CCNE1: variants seen among roughly 807,000 people sequenced by gnomAD.
CCNE1 encodes cyclin E1.
Under a neutral mutation model 54.1 loss-of-function variants are expected in CCNE1, and 8 were observed. The observed-to-expected ratio is 0.15, with a 90% CI of 0.09 to 0.27. The LOEUF (loss-of-function observed/expected upper bound fraction) is 0.27, where lower values mean the gene tolerates loss of function less well. Among genes scored for constraint, CCNE1 ranks in the 10% least tolerant of loss-of-function variants. The pLI is 1.00. For synonymous variants in CCNE1, 179 were observed against 185.2 expected (o/e 0.97, Z 0.27); for missense variants, 430 against 514.9 (o/e 0.84, Z 1.60).
chr19:29,817,607 G>A, intron 6 of CCNE1, 66 bp downstream of exon 6: 1 of 1,559,742 alleles, frequency 6.4e-7, no homozygotes, highest in Non-Finnish European at 8.8e-7. Flanking sequence ...TTGTGTATTA[G>A]GACCTCTGTG....
intron 6 of CCNE1, 91 bp from the exon 7 acceptor site, chr19:29,820,611 T>C (rs1360376074): frequency 8.7e-6 from 8 of 923,826 alleles, no homozygotes; most frequent in Non-Finnish European, 1.3e-5. Flanking sequence ...CATTTTATAT[T>C]TTCCTTCACC....
chr19:29,822,050 A>G lies in CCNE1; in HGVS notation c.760A>G (p.Met254Val). The change falls in exon 9 of 12, where the codon ATG (methionine) becomes GTG (valine). Residue 254 changes from methionine to valine, a missense_variant. Coordinates refer to ENST00000262643, the MANE Select transcript of CCNE1 (RefSeq NM_001238.4). ...LTIVSWLNVY[M>V]QVAYLNDLHE... ...TATTGTGTCCTGGCTGAATGTATAC[A>G]TGCAGGTTGCATATCTAAATGACTT... is the stretch of plus-strand genomic sequence containing the variant. The G allele has an allele frequency of 6.2e-7, 1 of 1,613,942 alleles. No individual in the cohort carries two copies. The highest frequency in any genetic ancestry group is 8.5e-7 in the Non-Finnish European group (1 of 1,179,790).
intron 6 of CCNE1, among the ~76,000 whole-genome samples, chr19:29,819,184 C>T (rs1034359484): frequency 6.6e-6 from 1 of 151,956 alleles, no homozygotes; most frequent in Admixed American, 6.6e-5. Flanking sequence ...TTGGAGCTTG[C>T]AGTGAGCTGT....
chr19:29,812,821 C>G lies in CCNE1; in HGVS notation c.111+45C>G, dbSNP rs372773313. On this transcript the variant is annotated intron_variant, in intron 3 of 11. Coordinates refer to ENST00000262643, the MANE Select transcript of CCNE1 (RefSeq NM_001238.4). ...GTTGGGGAGCATCCCCCCCATCTCA[C>G]CTGGGTACCCGACTTGGCTCTGCCT... 1.9e-6 allele frequency: 3 copies of G among 1,585,530 alleles called. No homozygotes were observed. The African/African-American group carries it at 4.0e-5, about 21-fold the overall frequency.
chr19:29,818,983 G>A (rs931671241), intron 6 of CCNE1, among the ~76,000 whole-genome samples: 1 of 151,890 alleles, frequency 6.6e-6, no homozygotes, highest in East Asian at 1.9e-4. Context: ...GGCTGGTCTT[G>A]AAGTCCCGAC....
At chr19:29,821,901 T>A in intron 8 of CCNE1, 84 bp downstream of exon 8, 3 of 1,502,714 alleles carry the variant, frequency 2.0e-6, no homozygotes, top group Non-Finnish European at 1.8e-6. Flanking sequence ...CTCTGGGAGG[T>A]GTTCTCCAGC....
rs1303375022 is a variant in CCNE1 at position 29,822,029 on chromosome 19, G to T, written c.739G>T (p.Val247Leu). The change falls in exon 9 of 12, where the codon GTG (valine) becomes TTG (leucine). Residue 247 changes from valine to leucine, a missense_variant. Physicochemically the swap from Val to Leu is conservative, Grantham distance 32. Coordinates refer to ENST00000262643, the MANE Select transcript of CCNE1 (RefSeq NM_001238.4). Reference protein sequence around the residue: ...LKWRLSPLTIVSWLNVYMQVA... With the variant: ...LKWRLSPLTILSWLNVYMQVA... ...GTGGCGTTTAAGTCCCCTGACTATTGTGTCCTGGCTGAATGTATACATGCA... is the reference window on the plus strand; with the variant it reads ...GTGGCGTTTAAGTCCCCTGACTATTTTGTCCTGGCTGAATGTATACATGCA... The T allele has an allele frequency of 6.2e-7, 1 of 1,613,606 alleles. No individual in the cohort carries two copies.
intron 6 of CCNE1, among the ~76,000 whole-genome samples, chr19:29,819,832 G>C (rs146031163): frequency 3.9e-5 from 6 of 152,316 alleles, no homozygotes; most frequent in South Asian, 2.1e-4. Flanking sequence ...AGGCAGACCT[G>C]CTTCATGAAA....
chr19:29,822,288 G>A lies in CCNE1; in HGVS notation c.889G>A (p.Gly297Ser). Residue 297 changes from glycine to serine, a missense_variant, in exon 10 of 12, where the codon GGT (glycine) becomes AGT (serine). Transcript: ENST00000262643. ...LDVDCLEFPY[G>S]ILAASALYHF... is the part of the protein sequence containing the mutation. Reference sequence around the variant, plus strand: ...TGTTGACTGCCTTGAATTTCCTTATGGTATACTTGCTGCTTCGGCCTTGTA... The same window carrying A: ...TGTTGACTGCCTTGAATTTCCTTATAGTATACTTGCTGCTTCGGCCTTGTA... 1 of 1,614,010 alleles carries A rather than the reference G, an allele frequency of 6.2e-7. No homozygotes were observed. Among genetic ancestry groups the A allele is most frequent in the South Asian group, 1.1e-5 (1 of 91,076 alleles).
At chr19:29,820,909 T>C in intron 7 of CCNE1, 61 bp downstream of exon 7, 1 of 1,352,272 alleles carries the variant, frequency 7.4e-7, no homozygotes, top group Non-Finnish European at 1.0e-6. Context: ...CCACTGAGAT[T>C]GGGGGAAGAG....
Position 29,817,484 on chromosome 19 carries a change from G to GCAA in CCNE1, c.408_410dup (p.Gln136dup), listed in dbSNP as rs1974050684. Reference sequence around the variant, plus strand: ...ACTTAAGGGATCAGCACTTTCTTGAGCAACACCCTCTTCTGCAGCCAAAAA... The same window carrying GCAA: ...ACTTAAGGGATCAGCACTTTCTTGAGCAACAACACCCTCTTCTGCAGCCAAAAA... On this transcript the variant is annotated inframe_insertion, in exon 6 of 12. Coordinates refer to ENST00000262643, the MANE Select transcript of CCNE1 (RefSeq NM_001238.4). 1 of 1,614,076 alleles carries GCAA rather than the reference G, an allele frequency of 6.2e-7. No homozygotes were observed. Among genetic ancestry groups the GCAA allele is most frequent in the African/African-American group, 1.3e-5 (1 of 74,920 alleles).
chr19:29,820,582 G>A, intron 6 of CCNE1, 120 bp from the exon 7 acceptor site: 1 of 702,550 alleles, frequency 1.4e-6, no homozygotes, highest in East Asian at 2.7e-5. Context: ...ACTATCAATT[G>A]TTGAGTTCAG....
rs1973894590 is a variant in CCNE1, at chr19:29,812,022, T to C, written c.-155T>C. 6.8e-6 allele frequency: 1 copy of C among 146,076 alleles called. No homozygotes were observed. The highest frequency in any genetic ancestry group is 1.5e-5 in the Non-Finnish European group (1 of 65,630). 9.0% of individuals were successfully genotyped at this position (146,076 alleles called of 1,614,324 possible). A position where few individuals can be genotyped will look rare whatever the true frequency, so the allele number is the denominator to read the frequency against. On this transcript the variant is annotated 5_prime_UTR_variant, in exon 1 of 12. Transcript: ENST00000262643. ...AGCCGGCGCGGCCGCCAGCGCGGTGTAGGGGGCAGGCGCGGATCCCGCCAC... is the reference window on the plus strand; with the variant it reads ...AGCCGGCGCGGCCGCCAGCGCGGTGCAGGGGGCAGGCGCGGATCCCGCCAC...
At chr19:29,822,943 CA>C (rs11292796) in intron 11 of CCNE1, among the ~76,000 whole-genome samples, 54,194 of 143,066 alleles carry the variant, frequency 0.38, 10,708 homozygotes, top group East Asian at 0.62. Context: ...AACTATGTCT[CA>C]AAAAAAAAAA....
intron 4 of CCNE1, among the ~76,000 whole-genome samples, chr19:29,814,837 A>T (rs1011053899): frequency 2.0e-5 from 3 of 152,194 alleles, no homozygotes; most frequent in African/African-American, 7.2e-5. Context: ...TTTATCTAAG[A>T]TCTACTTAAC....
rs577353301 is a variant in CCNE1 at position 29,817,280 on chromosome 19, G to A, written c.324G>A (p.Leu108=). ...APSRGSPLPV[L]SWANREEVWK... Reference sequence around the variant, plus strand: ...CCAGAGGCTCCCCGCTGCCTGTACTGAGGTCAGTGCCGACTCTGCCACATG... The same window carrying A: ...CCAGAGGCTCCCCGCTGCCTGTACTAAGGTCAGTGCCGACTCTGCCACATG... The change falls in exon 5 of 12, where the codon CTG becomes CTA. Residue 108 remains leucine, a splice_region_variant and synonymous_variant. Coordinates refer to ENST00000262643, the MANE Select transcript of CCNE1 (RefSeq NM_001238.4). The A allele has an allele frequency of 2.5e-6, 4 of 1,614,150 alleles. No individual in the cohort carries two copies. In the African/African-American group the frequency reaches 4.0e-5, roughly 16 times the overall value.
chr19:29,823,231 G>GGA (rs1974193265), intron 11 of CCNE1, among the ~76,000 whole-genome samples: 2 of 152,014 alleles, frequency 1.3e-5, no homozygotes, highest in African/African-American at 2.4e-5. Flanking sequence ...GACAACATAG[G>GGA]GAGACCCTGT....
In CCNE1 at chr19:29,821,726, T is replaced by C; in HGVS notation, c.614T>C (p.Ile205Thr). The part of the protein sequence containing the change: ...SLFIAAKLEE[I>T]YPPKLHQFAY... The stretch of plus-strand genomic sequence containing the variant: ...CCATCTTTTATTTCCTTTCAGGAAA[T>C]CTATCCTCCAAAGTTGCACCAGTTT... Residue 205 changes from isoleucine to threonine, a missense_variant, in exon 8 of 12, where the codon ATC becomes ACC. This residue lies in a region of CCNE1 where 303 missense variants were observed against 401.1 expected (regional missense o/e 0.76). Coordinates refer to ENST00000262643, the MANE Select transcript of CCNE1 (RefSeq NM_001238.4). 6.2e-7 allele frequency: 1 copy of C among 1,600,006 alleles called. No individual in the cohort carries two copies. The highest frequency in any genetic ancestry group is 8.6e-7 in the Non-Finnish European group (1 of 1,167,274).
At chr19:29,812,805 C>T (rs2145715375) in intron 3 of CCNE1, 29 bp downstream of exon 3, 1 of 1,487,518 alleles carries the variant, frequency 6.7e-7, no homozygotes, top group Non-Finnish European at 9.0e-7. Context: ...GGTTGGGGAG[C>T]ATCCCCCCCA....
Sources: allele counts gnomAD v4.1 joint callset (sites outside exome capture counted in the v4.1 genomes callset), GRCh38; gene constraint gnomAD v4.1.1; regional missense constraint gnomAD v4.1.1; transcripts MANE v1.5; gene names NCBI Gene and HGNC (gene_info 2026-07-23, HGNC 2026-07-21).